HIF1A: variants seen among roughly 807,000 people sequenced by gnomAD.
HIF1A encodes the protein hypoxia-inducible factor 1-alpha.
In HIF1A, 24 loss-of-function variants were observed where a neutral mutation model predicts 92.7. The observed-to-expected ratio is 0.26, with a 90% CI of 0.19 to 0.36. HIF1A has a LOEUF of 0.36. Ranked by LOEUF, HIF1A falls within the 10% of genes least tolerant of loss-of-function variation. The pLI, the probability that HIF1A is intolerant of heterozygous loss-of-function variation, is 1.00. For synonymous variants in HIF1A, 319 were observed against 338.7 expected (o/e 0.94, Z 0.64); for missense variants, 799 against 998.5 (o/e 0.80, Z 2.69).
chr14:61,741,290 A>G, intron 12 of HIF1A, 102 bp downstream of exon 12: 1 of 716,688 alleles, frequency 1.4e-6, no homozygotes, highest in South Asian at 2.1e-5. Context: ...TTTCTGATAT[A>G]TATGCCCTAA....
intron 12 of HIF1A, 129 bp downstream of exon 12, chr14:61,741,317 C>A: frequency 1.7e-6 from 1 of 576,190 alleles, no homozygotes; most frequent in Non-Finnish European, 3.0e-6. Context: ...TTCTTGAGAA[C>A]TCAAAAAACT....
chr14:61,706,912 T>C (rs1594859041), intron 1 of HIF1A, among the ~76,000 whole-genome samples: 1 of 152,340 alleles, frequency 6.6e-6, no homozygotes, highest in South Asian at 2.1e-4. Flanking sequence ...AAAAGTTCTA[T>C]TGATGATTGT....
chr14:61,735,584 T>C (rs1488083662), intron 8 of HIF1A, among the ~76,000 whole-genome samples: 2 of 152,232 alleles, frequency 1.3e-5, no homozygotes, highest in Admixed American at 1.3e-4. Context: ...ATAAATTTCT[T>C]AAGGTCAAGG....
intron 8 of HIF1A, among the ~76,000 whole-genome samples, chr14:61,735,258 T>C (rs375697216): frequency 6.6e-6 from 1 of 152,214 alleles, no homozygotes; most frequent in Admixed American, 6.5e-5. Context: ...ACTCACGCAT[T>C]AGAGATTTAG....
chr14:61,696,036 T>TG (rs1007041114), intron 1 of HIF1A, among the ~76,000 whole-genome samples, 197 bp downstream of exon 1: 13 of 152,218 alleles, frequency 8.5e-5, no homozygotes, highest in Middle Eastern at 3.4e-3. Flanking sequence ...CATCTTGTCG[T>TG]GGGGGGTGGG....
At position 61,734,168 on chromosome 14, in the gene HIF1A, A is replaced by G; in HGVS notation, c.911A>G (p.Gln304Arg). ...ACTAAAGGACAAGTCACCACAGGACAGTACAGGATGCTTGCCAAAAGAGGT... is the reference window on the plus strand; with the variant it reads ...ACTAAAGGACAAGTCACCACAGGACGGTACAGGATGCTTGCCAAAAGAGGT... ...MFTKGQVTTG[Q>R]YRMLAKRGGY... The change falls in exon 8 of 15, where the codon CAG (glutamine) becomes CGG (arginine). Residue 304 changes from glutamine to arginine, a missense_variant. Physicochemically the swap from Gln to Arg is conservative, Grantham distance 43. This residue lies in a region of HIF1A where 516 missense variants were observed against 721.0 expected (regional missense o/e 0.72). Coordinates refer to ENST00000337138, the MANE Select transcript of HIF1A (RefSeq NM_001530.4). 6.2e-7 allele frequency: 1 copy of G among 1,610,140 alleles called. No individual in the cohort carries two copies. Among genetic ancestry groups the G allele is most frequent in the Non-Finnish European group, 8.5e-7 (1 of 1,177,844 alleles).
At chr14:61,708,479 C>T (rs541432200) in intron 1 of HIF1A, among the ~76,000 whole-genome samples, 2 of 152,206 alleles carry the variant, frequency 1.3e-5, no homozygotes, top group East Asian at 1.9e-4. Flanking sequence ...TTAATTTTAG[C>T]ATAAGGTGTA....
intron 1 of HIF1A, chr14:61,698,072 A>G (rs1461135921): frequency 3.9e-6 from 2 of 508,392 alleles, no homozygotes; most frequent in Non-Finnish European, 6.4e-6. Flanking sequence ...GGGAATGTCA[A>G]GAGAGTAATG....
At chr14:61,738,808 G>A (rs1180917554) in intron 10 of HIF1A, among the ~76,000 whole-genome samples, 1 of 152,146 alleles carries the variant, frequency 6.6e-6, no homozygotes, top group Non-Finnish European at 1.5e-5. Flanking sequence ...GTGCAGTGGT[G>A]CAATCACAGC....
intron 8 of HIF1A, among the ~76,000 whole-genome samples, chr14:61,735,989 T>C (rs539755864): frequency 3.8e-5 from 1 of 26,220 alleles, no homozygotes; most frequent in South Asian, 3.5e-3. Flanking sequence ...GAAATTCTTT[T>C]TTTCTTTTTT....
chr14:61,706,050 TACAC>T (rs1263123755), intron 1 of HIF1A, among the ~76,000 whole-genome samples: 1 of 152,142 alleles, frequency 6.6e-6, no homozygotes, highest in Non-Finnish European at 1.5e-5. Flanking sequence ...TTCTTCTACA[TACAC>T]ACAAAGTTTA....
At chr14:61,726,866 G>A (rs112102356) in intron 5 of HIF1A, 48 bp downstream of exon 5, 2 of 1,037,594 alleles carry the variant, frequency 1.9e-6, no homozygotes. Flanking sequence ...TTTATACATA[G>A]ACATTGTAGT....
intron 2 of HIF1A, 24 bp from the exon 3 acceptor site, chr14:61,721,485 T>C: frequency 6.3e-7 from 1 of 1,589,950 alleles, no homozygotes; most frequent in African/African-American, 1.3e-5. Flanking sequence ...ACTAATTATT[T>C]TCCTCTTCTT....
At chr14:61,726,223 GA>G (rs113638804) in intron 4 of HIF1A, among the ~76,000 whole-genome samples, 3 of 151,596 alleles carry the variant, frequency 2.0e-5, no homozygotes, top group African/African-American at 7.3e-5. Context: ...AAATTAAGGG[GA>G]AAAAAATAAG....
At chr14:61,742,278 C>G (rs1290049952) in intron 12 of HIF1A, among the ~76,000 whole-genome samples, 2 of 152,124 alleles carry the variant, frequency 1.3e-5, no homozygotes, top group Non-Finnish European at 2.9e-5. Flanking sequence ...GGAAATGATT[C>G]CTTCTCTACT....
chr14:61,716,534 T>C (rs2044366427), intron 1 of HIF1A, among the ~76,000 whole-genome samples: 1 of 152,210 alleles, frequency 6.6e-6, no homozygotes, highest in Admixed American at 6.5e-5. Context: ...TTAGGAATGC[T>C]AACAGGCTTT....
chr14:61,695,682 C>G lies in HIF1A; in HGVS notation c.-123C>G, dbSNP rs2044104063. On this transcript the variant is annotated 5_prime_UTR_variant, in exon 1 of 15. Transcript: ENST00000337138. ...TCTAGTCTCACGAGGGGTTTCCCGC[C>G]TCGCACCCCCACCTCTGGACTTGCC... 1 of 1,064,316 alleles carries G rather than the reference C, an allele frequency of 9.4e-7. No homozygotes were observed. Among genetic ancestry groups the G allele is most frequent in the East Asian group, 2.8e-5 (1 of 35,138 alleles). 65.9% of individuals were successfully genotyped at this position (1,064,316 alleles called of 1,614,324 possible).
intron 4 of HIF1A, among the ~76,000 whole-genome samples, 164 bp downstream of exon 4, chr14:61,721,987 G>T (rs1389062451): frequency 6.6e-6 from 1 of 152,020 alleles, no homozygotes; most frequent in Non-Finnish European, 1.5e-5. Context: ...TAGTTTTTAG[G>T]AATTTCATTT....
At chr14:61,698,642 T>G (rs536809507) in intron 1 of HIF1A, among the ~76,000 whole-genome samples, 8 of 152,350 alleles carry the variant, frequency 5.3e-5, no homozygotes, top group African/African-American at 1.9e-4. Context: ...CTTTTCTATC[T>G]CCTGAAAGTG....
Sources: allele counts gnomAD v4.1 joint callset (sites outside exome capture counted in the v4.1 genomes callset), GRCh38; gene constraint gnomAD v4.1.1; regional missense constraint gnomAD v4.1.1; transcripts MANE v1.5; gene names NCBI Gene and HGNC (gene_info 2026-07-23, HGNC 2026-07-21).